POU6F2: variants seen among roughly 807,000 people sequenced by gnomAD.
The protein encoded by POU6F2 is POU class 6 homeobox 2, also known as POU domain, class 6, transcription factor 2.
A neutral mutation model predicts 71.3 loss-of-function variants in POU6F2; 31 were observed. The ratio of observed to expected loss-of-function variants is 0.43; its 90% CI spans 0.33 to 0.59. The LOEUF (loss-of-function observed/expected upper bound fraction) is 0.59. POU6F2 is among the 20% of genes least tolerant of loss of function. The pLI is 0.04. For synonymous variants in POU6F2, 347 were observed against 355.7 expected, an observed-to-expected ratio of 0.98 and a Z score of 0.27; for missense variants, 783 against 856.8, an observed-to-expected ratio of 0.91 and a Z score of 1.07.
At chr7:39,154,602 T>A (rs769642465) in intron 2 of POU6F2, among the ~76,000 whole-genome samples, 52 of 152,180 alleles carry the variant, frequency 3.4e-4, no homozygotes, top group Non-Finnish European at 5.7e-4. Context: ...TTAATTGGAT[T>A]AGAAATTGCA....
At chr7:39,071,861 C>T (rs977738876) in intron 1 of POU6F2, among the ~76,000 whole-genome samples, 3 of 152,116 alleles carry the variant, frequency 2.0e-5, no homozygotes, top group Non-Finnish European at 2.9e-5. Flanking sequence ...TTTATCTTAA[C>T]ACTAATTCGG....
At chr7:39,393,223 G>A (rs1481016859) in intron 5 of POU6F2, among the ~76,000 whole-genome samples, 1 of 152,162 alleles carries the variant, frequency 6.6e-6, no homozygotes, top group Non-Finnish European at 1.5e-5. Context: ...GAGCATTCTA[G>A]TCATGTTTTC....
At chr7:39,417,183 G>A (rs1392337167) in intron 6 of POU6F2, among the ~76,000 whole-genome samples, 1 of 152,210 alleles carries the variant, frequency 6.6e-6, no homozygotes, top group Non-Finnish European at 1.5e-5. Context: ...TCACATGTGA[G>A]CGACATTAAA....
chr7:38,978,451 T>A (rs756688478), intron 1 of POU6F2, among the ~76,000 whole-genome samples: 1 of 152,236 alleles, frequency 6.6e-6, no homozygotes, highest in Non-Finnish European at 1.5e-5. Flanking sequence ...TGCTGTTCAA[T>A]ATTTTTATTT....
intron 2 of POU6F2, among the ~76,000 whole-genome samples, chr7:39,137,051 A>T (rs1792403085): frequency 6.6e-6 from 1 of 151,522 alleles, no homozygotes; most frequent in Non-Finnish European, 1.5e-5. Flanking sequence ...GATGTTCCTT[A>T]CAACATTGTT....
chr7:39,149,885 C>CTTTTTTTTTTTT (rs70977463), intron 2 of POU6F2, among the ~76,000 whole-genome samples: 1 of 142,338 alleles, frequency 7.0e-6, no homozygotes. Flanking sequence ...GCAAGATTTC[C>CTTTTTTTTTTTT]TTTTTTTTTT....
chr7:39,452,657 C>G lies in POU6F2; in HGVS notation c.1489+956C>G, dbSNP rs147295952. 4.6e-5 allele frequency among the ~76,000 whole-genome samples: 7 copies of G among 152,304 alleles called. No homozygotes were observed. The East Asian group carries it at 1.3e-3, about 29-fold the overall frequency. On this transcript the variant is annotated intron_variant, in intron 8 of 9. Coordinates refer to ENST00000518318, the MANE Select transcript of POU6F2 (RefSeq NM_001370959.1). ...AAACAAAATGGATGGTTGCCATGAC[C>G]TCCCCGACAAGTAATCCTCCTCAAA... is the stretch of plus-strand genomic sequence containing the variant.
At chr7:39,307,909 C>T (rs1374288958) in intron 4 of POU6F2, among the ~76,000 whole-genome samples, 2 of 151,428 alleles carry the variant, frequency 1.3e-5, no homozygotes, top group South Asian at 2.1e-4. Flanking sequence ...GAGCAGAGAT[C>T]GCGCCACTGC....
At chr7:39,050,562 T>G (rs1790383402) in intron 1 of POU6F2, among the ~76,000 whole-genome samples, 1 of 152,140 alleles carries the variant, frequency 6.6e-6, no homozygotes, top group African/African-American at 2.4e-5. Flanking sequence ...CCTGCTAAAC[T>G]TCTGGTTGGC....
intron 1 of POU6F2, among the ~76,000 whole-genome samples, chr7:39,064,029 A>G (rs1790709273): frequency 6.6e-6 from 1 of 152,148 alleles, no homozygotes; most frequent in Admixed American, 6.6e-5. Flanking sequence ...AGATGAGATG[A>G]ATCAAAATGA....
intron 4 of POU6F2, among the ~76,000 whole-genome samples, chr7:39,233,240 A>G (rs778758383): frequency 8.5e-5 from 13 of 152,094 alleles, no homozygotes; most frequent in Non-Finnish European, 1.5e-4. Context: ...GTAATTTGCA[A>G]AATAATTTGA....
In POU6F2 at chr7:39,035,603, G is replaced by A. The variant is rs1420048277; in HGVS notation, c.106-50257G>A. On this transcript the variant is annotated intron_variant, in intron 1 of 9. Transcript: ENST00000518318. ...CCTGCGAATCAGGTTTCTAACCTAC[G>A]GGGGAAAATAGCTGAATGGGATTCC... Among the ~76,000 whole-genome samples, 5 of 149,252 alleles carry A rather than the reference G, an allele frequency of 3.4e-5. No individual in the cohort carries two copies. The East Asian group carries it at 7.8e-4, about 23-fold the overall frequency.
At chr7:39,145,180 A>C (rs1052247381) in intron 2 of POU6F2, among the ~76,000 whole-genome samples, 1 of 152,240 alleles carries the variant, frequency 6.6e-6, no homozygotes. Context: ...TTTTACAAAA[A>C]TTCACTCAAT....
rs192423834 is a variant in POU6F2, at chr7:39,159,169, T to C, written c.278-45066T>C. On this transcript the variant is annotated intron_variant, in intron 2 of 9. Transcript: ENST00000518318. Reference sequence around the variant, plus strand: ...CTCCAGCCTAGGTGACAGAGCAAGATTCTGTCTCAAAAAATAAAAAATAAA... The same window carrying C: ...CTCCAGCCTAGGTGACAGAGCAAGACTCTGTCTCAAAAAATAAAAAATAAA... Among the ~76,000 whole-genome samples the C allele has an allele frequency of 3.1e-4, 47 of 152,120 alleles. 1 individual carries two copies. In the East Asian group the frequency reaches 5.6e-3, roughly 18 times the overall value.
chr7:38,981,708 G>A (rs1254769144), intron 1 of POU6F2, among the ~76,000 whole-genome samples: 1 of 152,166 alleles, frequency 6.6e-6, no homozygotes, highest in Non-Finnish European at 1.5e-5. Flanking sequence ...TAGAAGTGCA[G>A]TAAAAAGCTG....
At chr7:39,152,494 C>T (rs1388556910) in intron 2 of POU6F2, among the ~76,000 whole-genome samples, 3 of 152,170 alleles carry the variant, frequency 2.0e-5, no homozygotes, top group Non-Finnish European at 4.4e-5. Context: ...TACCTGTTGG[C>T]AGACCCCCAT....
At chr7:39,452,214 A>G (rs1043856577) in intron 8 of POU6F2, among the ~76,000 whole-genome samples, 3 of 152,218 alleles carry the variant, frequency 2.0e-5, no homozygotes, top group Admixed American at 2.0e-4. Flanking sequence ...GGGAAGCTGC[A>G]TGGGCCGGAA....
intron 4 of POU6F2, among the ~76,000 whole-genome samples, chr7:39,303,439 G>A (rs958020687): frequency 3.9e-5 from 6 of 152,188 alleles, no homozygotes; most frequent in Admixed American, 6.5e-5. Flanking sequence ...GAGACACCAC[G>A]CCCAGCCCTG....
chr7:39,413,165 ATAAT>A (rs913784272), intron 6 of POU6F2, among the ~76,000 whole-genome samples: 17 of 152,006 alleles, frequency 1.1e-4, no homozygotes, highest in Admixed American at 5.2e-4. Flanking sequence ...CACAAAAAAA[ATAAT>A]TAATTAATTA....
Sources: allele counts gnomAD v4.1 joint callset (sites outside exome capture counted in the v4.1 genomes callset), GRCh38; gene constraint gnomAD v4.1.1; transcripts MANE v1.5; gene names NCBI Gene and HGNC (gene_info 2026-07-23, HGNC 2026-07-21).